Variants in FHIT observed in about 807,000 individuals in gnomAD.
FHIT encodes the protein bis(5'-adenosyl)-triphosphatase.
Under a neutral mutation model 17.9 loss-of-function variants are expected in FHIT, and 19 were observed. That is an observed-to-expected ratio of 1.06 (90% CI 0.74 to 1.56). FHIT has a LOEUF of 1.56. FHIT is among the 40% of genes most tolerant of loss of function. The pLI, the probability that FHIT is intolerant of heterozygous loss-of-function variation, is 0.00. For synonymous variants in FHIT, 81 were observed against 69.7 expected, an observed-to-expected ratio of 1.16 and a Z score of -0.81; for missense variants, 248 against 189.2, an observed-to-expected ratio of 1.31 and a Z score of -1.82.
chr3:59,824,459 T>A (rs1700906936), intron 8 of FHIT, among the ~76,000 whole-genome samples: 1 of 152,220 alleles, frequency 6.6e-6, no homozygotes, highest in Non-Finnish European at 1.5e-5. Flanking sequence ...TATTAAGAAC[T>A]CAATACATGT....
At chr3:60,735,011 A>G (rs1220520326) in intron 4 of FHIT, among the ~76,000 whole-genome samples, 1 of 152,232 alleles carries the variant, frequency 6.6e-6, no homozygotes, top group Non-Finnish European at 1.5e-5. Flanking sequence ...AATGACCAGC[A>G]TCAAGAATTA....
chr3:60,354,411 A>G (rs187219380), intron 5 of FHIT, among the ~76,000 whole-genome samples: 1 of 152,204 alleles, frequency 6.6e-6, no homozygotes, highest in Admixed American at 6.5e-5. Flanking sequence ...ATACCCTGCT[A>G]AAAACAGACT....
intron 4 of FHIT, among the ~76,000 whole-genome samples, chr3:60,720,775 G>T (rs781996528): frequency 7.9e-5 from 12 of 152,114 alleles, no homozygotes; most frequent in Non-Finnish European, 1.8e-4. Flanking sequence ...AGCATACTGG[G>T]CGTCAAGAAG....
At chr3:60,047,961 T>G (rs1701718395) in intron 5 of FHIT, among the ~76,000 whole-genome samples, 1 of 152,128 alleles carries the variant, frequency 6.6e-6, no homozygotes, top group African/African-American at 2.4e-5. Context: ...CAGCAGAAAT[T>G]TTTCTTACAG....
intron 2 of FHIT, among the ~76,000 whole-genome samples, chr3:61,093,348 G>A (rs2035543333): frequency 6.6e-6 from 1 of 152,164 alleles, no homozygotes; most frequent in Non-Finnish European, 1.5e-5. Context: ...GGCAAGGTCT[G>A]GAGACATCTG....
chr3:60,927,838 G>C (rs1553770465), intron 3 of FHIT, among the ~76,000 whole-genome samples: 1 of 152,270 alleles, frequency 6.6e-6, no homozygotes, highest in Non-Finnish European at 1.5e-5. Flanking sequence ...AACAGGCCAT[G>C]ACGATGATGG....
At chr3:60,456,024 G>C (rs183015614) in intron 5 of FHIT, among the ~76,000 whole-genome samples, 1 of 152,148 alleles carries the variant, frequency 6.6e-6, no homozygotes, top group African/African-American at 2.4e-5. Context: ...TAATCCAAAA[G>C]ATGGCCAATC....
At chr3:60,239,698 A>G (rs557674959) in intron 5 of FHIT, among the ~76,000 whole-genome samples, 1 of 152,234 alleles carries the variant, frequency 6.6e-6, no homozygotes, top group Non-Finnish European at 1.5e-5. Context: ...AGATTTAACT[A>G]TATTTAAAGT....
chr3:59,986,540 T>TATAC (rs1473518719), intron 7 of FHIT, among the ~76,000 whole-genome samples: 1 of 12,442 alleles, frequency 8.0e-5, no homozygotes, highest in African/African-American at 3.5e-4. Context: ...TATATATATA[T>TATAC]ACACACACAC....
At chr3:59,758,465 C>G (rs1701331822) in intron 8 of FHIT, among the ~76,000 whole-genome samples, 1 of 152,258 alleles carries the variant, frequency 6.6e-6, no homozygotes, top group East Asian at 1.9e-4. Context: ...GGTCTCCGGC[C>G]CTACAAATGC....
At chr3:60,900,114 A>G (rs1191252191) in intron 3 of FHIT, among the ~76,000 whole-genome samples, 2 of 152,180 alleles carry the variant, frequency 1.3e-5, no homozygotes, top group Admixed American at 1.3e-4. Flanking sequence ...ATACTTTGTG[A>G]GGTCAGAAAG....
chr3:61,244,626 T>A (rs189188896), intron 1 of FHIT, among the ~76,000 whole-genome samples: 59 of 152,244 alleles, frequency 3.9e-4, no homozygotes, highest in Admixed American at 1.7e-3. Flanking sequence ...TCTGGCCTTC[T>A]CCTGAAGCAG....
In FHIT at chr3:59,865,123, T is replaced by A. The variant is rs77561273; in HGVS notation, c.348+57223A>T. Among the ~76,000 whole-genome samples the A allele has an allele frequency of 9.9e-3, 1,508 of 152,318 alleles. 92 individuals carry two copies. The highest frequency in any genetic ancestry group is 0.081 in the Admixed American group (1,235 of 15,294). On this transcript the variant is annotated intron_variant, in intron 8 of 9. Transcript: ENST00000492590. The stretch of plus-strand genomic sequence containing the variant: ...CTTAATTGTATAATTTCAATTTCAT[T>A]TAAAAAAAGAAAAAAATTAAACCAA...
At chr3:60,782,235 GTGTATA>G (rs1465329405) in intron 4 of FHIT, among the ~76,000 whole-genome samples, 1,630 of 76,226 alleles carry the variant, frequency 0.021, 36 homozygotes, top group African/African-American at 0.073. Flanking sequence ...GTGTGTGTGT[GTGTATA>G]TATATATATA....
At chr3:60,668,371 GAAAAAAAAAAA>G (rs60941309) in intron 4 of FHIT, among the ~76,000 whole-genome samples, 11 of 68,030 alleles carry the variant, frequency 1.6e-4, no homozygotes, top group Admixed American at 2.0e-4. Context: ...GCTCAATCAG[GAAAAAAAAAAA>G]AAAAAAAAAA....
chr3:61,026,665 T>A (rs78943462), intron 3 of FHIT, among the ~76,000 whole-genome samples: 2,893 of 152,334 alleles, frequency 0.019, 101 homozygotes, highest in African/African-American at 0.065. Flanking sequence ...TTGCAATTTT[T>A]TTTTAAGCTC....
chr3:61,022,047 G>A (rs989992437), intron 3 of FHIT, among the ~76,000 whole-genome samples: 19 of 152,070 alleles, frequency 1.2e-4, no homozygotes, highest in African/African-American at 9.7e-5. Context: ...AAAAATCAAC[G>A]AATCCAGTAG....
chr3:60,145,634 A>G (rs1204656817), intron 5 of FHIT, among the ~76,000 whole-genome samples: 1 of 152,188 alleles, frequency 6.6e-6, no homozygotes, highest in Admixed American at 6.6e-5. Context: ...TGTGCAAAGT[A>G]ACAAAATAGA....
At chr3:61,060,006 G>T (rs1391305565) in intron 2 of FHIT, among the ~76,000 whole-genome samples, 1 of 152,136 alleles carries the variant, frequency 6.6e-6, no homozygotes, top group African/African-American at 2.4e-5. Flanking sequence ...GTGTGTAGGT[G>T]TGTAGGTGAG....
Sources: allele counts gnomAD v4.1 joint callset (sites outside exome capture counted in the v4.1 genomes callset), GRCh38; gene constraint gnomAD v4.1.1; transcripts MANE v1.5; gene names NCBI Gene and HGNC (gene_info 2026-07-23, HGNC 2026-07-21).